PRELID2: variants seen among roughly 807,000 people sequenced by gnomAD.
PRELID2 encodes the protein PRELI domain containing 2, also known as PRELI domain-containing protein 2.
A neutral mutation model predicts 28.4 loss-of-function variants in PRELID2; 25 were observed. The observed-to-expected ratio is 0.88, with a 90% CI of 0.64 to 1.23. The LOEUF is 1.23. PRELID2 is among the 50% of genes most tolerant of loss of function. The pLI is 0.00. For synonymous variants in PRELID2, 76 were observed against 71.6 expected, an observed-to-expected ratio of 1.06 and a Z score of -0.31; for missense variants, 201 against 214.4, an observed-to-expected ratio of 0.94 and a Z score of 0.39.
chr5:145,686,144 C>G (rs1168606354), intron 1 of PRELID2, among the ~76,000 whole-genome samples: 1 of 152,148 alleles, frequency 6.6e-6, no homozygotes, highest in Non-Finnish European at 1.5e-5. Flanking sequence ...CACTTTACCT[C>G]CCTCCTAAGT....
At chr5:145,776,417 C>A (rs1416965105) in intron 5 of PRELID2, among the ~76,000 whole-genome samples, 2 of 151,946 alleles carry the variant, frequency 1.3e-5, no homozygotes, top group Non-Finnish European at 2.9e-5. Context: ...TGAAGAGAAG[C>A]CACAATGTGT....
At chr5:145,393,191 G>C in the PRELID2 span, among the ~76,000 whole-genome samples, 1 of 152,306 alleles carries the variant, frequency 6.6e-6, no homozygotes, top group African/African-American at 2.4e-5. Flanking sequence ...TATCCATTAA[G>C]TGAGAATAAG....
chr5:145,811,272 C>A lies in PRELID2; in HGVS notation c.368+6622G>T, dbSNP rs537228710. Among the ~76,000 whole-genome samples the A allele has an allele frequency of 9.2e-5, 14 of 151,916 alleles. No homozygotes were observed. In the South Asian group the frequency reaches 1.9e-3, roughly 20 times the overall value. ...TATGGGAATTGTGTGAGCTACAACT[C>A]AAGATGAGATTTGGGTGGGGACACA... On this transcript the variant is annotated intron_variant, in intron 4 of 6. Transcript: ENST00000683046.
intron 1 of PRELID2, among the ~76,000 whole-genome samples, chr5:145,596,119 AGT>A (rs1753302880): frequency 2.0e-5 from 3 of 149,734 alleles, no homozygotes; most frequent in African/African-American, 7.4e-5. Context: ...AAAAAAAAAA[AGT>A]CTGTTTAGGC....
chr5:145,559,849 A>G lies in PRELID2; in HGVS notation n.71-86534T>C, dbSNP rs76836493. ...GGTAAAAAGAGGTAAAAAAAAAAAA[A>G]AAGAAGAAGAAGAAGAAGAAAAAGA... On this transcript the variant is annotated intron_variant and non_coding_transcript_variant, in intron 1 of 2. Transcript: ENST00000510259. Among the ~76,000 whole-genome samples the G allele has an allele frequency of 1.3e-4, 20 of 148,752 alleles. 1 individual carries two copies. Among genetic ancestry groups the G allele is most frequent in the African/African-American group, 4.1e-4 (16 of 39,060 alleles).
chr5:145,726,238 A>AAGGAGGGAGGGAGGGAGGGAG (rs1756149318), intron 1 of PRELID2, among the ~76,000 whole-genome samples: 1 of 85,304 alleles, frequency 1.2e-5, no homozygotes, highest in Non-Finnish European at 2.1e-5. Flanking sequence ...GGAAGGAAGG[A>AAGGAGGGAGGGAGGGAGGGAG]GGGAGGGAGG....
chr5:145,278,994 G>A, the PRELID2 span, among the ~76,000 whole-genome samples: 6 of 152,174 alleles, frequency 3.9e-5, no homozygotes, highest in Non-Finnish European at 7.4e-5. Context: ...AGTGTAACAC[G>A]GTAGGCAGTG....
At chr5:145,645,357 T>TTTTC (rs1754179228) in intron 1 of PRELID2, among the ~76,000 whole-genome samples, 1 of 146,610 alleles carries the variant, frequency 6.8e-6, no homozygotes, top group Non-Finnish European at 1.5e-5. Context: ...TTTTTTTTTT[T>TTTTC]TTTTTTTGGC....
intron 1 of PRELID2, among the ~76,000 whole-genome samples, chr5:145,735,572 T>C (rs928230026): frequency 3.9e-5 from 6 of 152,226 alleles, no homozygotes; most frequent in African/African-American, 7.2e-5. Flanking sequence ...GAAAGAAGTA[T>C]AAAGACATTT....
downstream of PRELID2, among the ~76,000 whole-genome samples, chr5:145,469,659 G>A (rs187800855): frequency 1.4e-4 from 22 of 152,220 alleles, no homozygotes; most frequent in African/African-American, 4.8e-4. Flanking sequence ...AAGATTACTT[G>A]TGATGGGTAG....
chr5:145,598,474 C>CA (rs899224258), intron 1 of PRELID2, among the ~76,000 whole-genome samples: 4 of 152,018 alleles, frequency 2.6e-5, no homozygotes, highest in African/African-American at 9.6e-5. Context: ...GTTGCCATAA[C>CA]AAAAAAATAG....
the PRELID2 span, among the ~76,000 whole-genome samples, chr5:145,317,312 A>G: frequency 1.3e-5 from 2 of 152,216 alleles, no homozygotes; most frequent in African/African-American, 4.8e-5. Context: ...TCATATGAAA[A>G]GGGTGCTCCT....
intron 5 of PRELID2, among the ~76,000 whole-genome samples, chr5:145,781,755 A>G (rs1283983576): frequency 7.0e-6 from 1 of 142,712 alleles, no homozygotes; most frequent in Non-Finnish European, 1.5e-5. Context: ...ATATCTATAT[A>G]TATACACTAT....
chr5:145,375,491 T>TTG, the PRELID2 span, among the ~76,000 whole-genome samples: 3 of 152,126 alleles, frequency 2.0e-5, no homozygotes, highest in Non-Finnish European at 4.4e-5. Flanking sequence ...ACGAAGCACT[T>TTG]TGTCCCTTGG....
At chr5:145,563,767 T>C (rs1004776148) in intron 1 of PRELID2, among the ~76,000 whole-genome samples, 2 of 152,162 alleles carry the variant, frequency 1.3e-5, no homozygotes, top group African/African-American at 4.8e-5. Flanking sequence ...TTACCAGGGT[T>C]AGGGAGGTAG....
At position 145,577,314 on chromosome 5, in the gene PRELID2, T is replaced by A. The variant is rs150313517; in HGVS notation, n.71-103999A>T. On this transcript the variant is annotated intron_variant and non_coding_transcript_variant, in intron 1 of 2. Coordinates refer to the PRELID2 transcript ENST00000510259. ...AATAATTCAAAACAACTGTTTTAAG[T>A]AAGCTCAGCAAACTGCAATAAAATA... Among the ~76,000 whole-genome samples the A allele has an allele frequency of 9.1e-3, 1,383 of 152,180 alleles. 29 individuals carry two copies. The highest frequency in any genetic ancestry group is 0.032 in the African/African-American group (1,314 of 41,530).
the PRELID2 span, among the ~76,000 whole-genome samples, chr5:145,285,835 A>C: frequency 6.6e-6 from 1 of 152,276 alleles, no homozygotes; most frequent in South Asian, 2.1e-4. Flanking sequence ...ATTCAAGTAA[A>C]GGTTTAAAAG....
intron 1 of PRELID2, among the ~76,000 whole-genome samples, chr5:145,478,839 C>T (rs922683597): frequency 7.9e-5 from 12 of 152,144 alleles, no homozygotes; most frequent in African/African-American, 2.9e-4. Flanking sequence ...ACTGTGGGAC[C>T]AGCCCAAACT....
chr5:145,384,607 A>C, the PRELID2 span, among the ~76,000 whole-genome samples: 1 of 152,210 alleles, frequency 6.6e-6, no homozygotes, highest in Non-Finnish European at 1.5e-5. Flanking sequence ...ATAATGAAAT[A>C]CGTGAGACTG....
Sources: allele counts gnomAD v4.1 joint callset (sites outside exome capture counted in the v4.1 genomes callset), GRCh38; gene constraint gnomAD v4.1.1; transcripts MANE v1.5; gene names NCBI Gene and HGNC (gene_info 2026-07-23, HGNC 2026-07-21).